CADM2: variants seen among roughly 807,000 people sequenced by gnomAD.
The protein encoded by CADM2 is immunoglobulin superfamily member 4D.
Under a neutral mutation model 49.8 loss-of-function variants are expected in CADM2, and 12 were observed. The ratio of observed to expected loss-of-function variants is 0.24; its 90% CI spans 0.15 to 0.39. CADM2 has a LOEUF of 0.39. Ranked by LOEUF, CADM2 falls within the 10% of genes least tolerant of loss-of-function variation. The pLI is 1.00. For missense variants in CADM2, 378 were observed against 492.3 expected (o/e 0.77, Z 2.20); for synonymous variants, 214 against 175.4 (o/e 1.22, Z -1.74).
intron 6 of CADM2, among the ~76,000 whole-genome samples, chr3:85,922,558 G>A (rs192472137): frequency 7.8e-4 from 119 of 151,712 alleles, no homozygotes; most frequent in African/African-American, 2.3e-3. Flanking sequence ...CACAAATTGC[G>A]CAATAATTGG....
intron 1 of CADM2, among the ~76,000 whole-genome samples, chr3:85,620,413 A>G (rs984067179): frequency 6.6e-6 from 1 of 152,080 alleles, no homozygotes; most frequent in Non-Finnish European, 1.5e-5. Flanking sequence ...TGATAGGTAC[A>G]TAGATCCAAT....
intron 8 of CADM2, among the ~76,000 whole-genome samples, chr3:86,058,264 G>T (rs990367561): frequency 3.3e-5 from 5 of 152,048 alleles, no homozygotes; most frequent in Non-Finnish European, 7.4e-5. Context: ...AGTCCTGAAT[G>T]AGTCTTTTAA....
At chr3:85,643,804 A>G (rs1385572807) in intron 1 of CADM2, among the ~76,000 whole-genome samples, 3 of 152,138 alleles carry the variant, frequency 2.0e-5, no homozygotes, top group Non-Finnish European at 2.9e-5. Context: ...GATTATTGTT[A>G]TTATATGTGG....
At chr3:85,720,788 A>C (rs1393033225) in intron 1 of CADM2, among the ~76,000 whole-genome samples, 1 of 152,196 alleles carries the variant, frequency 6.6e-6, no homozygotes, top group African/African-American at 2.4e-5. Flanking sequence ...AAACAAAAAG[A>C]GGAGAAAAGG....
chr3:85,068,659 A>G (rs1035248583), intron 1 of CADM2, among the ~76,000 whole-genome samples: 6 of 152,208 alleles, frequency 3.9e-5, no homozygotes, highest in African/African-American at 1.2e-4. Context: ...ATAAGTGGTC[A>G]GGGTAAAATG....
chr3:85,691,439 T>G (rs954421697), intron 1 of CADM2, among the ~76,000 whole-genome samples: 5 of 152,170 alleles, frequency 3.3e-5, no homozygotes, highest in African/African-American at 1.2e-4. Context: ...GCTGAAAATC[T>G]AGGCTGCTTG....
At chr3:86,052,776 A>T (rs1737492194) in intron 8 of CADM2, among the ~76,000 whole-genome samples, 1 of 152,146 alleles carries the variant, frequency 6.6e-6, no homozygotes, top group Non-Finnish European at 1.5e-5. Context: ...TTCATAGAGT[A>T]TGCAAATTTT....
At chr3:85,230,498 T>C (rs1441945391) in intron 1 of CADM2, among the ~76,000 whole-genome samples, 7 of 152,172 alleles carry the variant, frequency 4.6e-5, no homozygotes, top group East Asian at 1.9e-4. Context: ...GTATTCACCT[T>C]ATGCTTAGAA....
chr3:86,012,355 A>G (rs1456028961), intron 8 of CADM2, among the ~76,000 whole-genome samples: 1 of 152,216 alleles, frequency 6.6e-6, no homozygotes, highest in African/African-American at 2.4e-5. Flanking sequence ...ATTCTAATTC[A>G]TGCTCTTGTT....
intron 1 of CADM2, among the ~76,000 whole-genome samples, chr3:85,314,370 A>T (rs1311972323): frequency 1.3e-5 from 2 of 151,906 alleles, no homozygotes; most frequent in African/African-American, 4.8e-5. Flanking sequence ...TTTTTTTAAC[A>T]AAGGACAAAA....
chr3:85,897,114 G>GA (rs1458443220), intron 5 of CADM2, among the ~76,000 whole-genome samples: 5 of 151,986 alleles, frequency 3.3e-5, no homozygotes, highest in African/African-American at 1.2e-4. Flanking sequence ...TTTAGAAAAT[G>GA]ACTCTTAACA....
chr3:86,060,531 A>G (rs1738505603), intron 8 of CADM2, among the ~76,000 whole-genome samples: 1 of 152,216 alleles, frequency 6.6e-6, no homozygotes. Context: ...ATGAGAAAAG[A>G]AAATACAAGG....
At chr3:85,875,658 G>A (rs1711727371) in intron 3 of CADM2, among the ~76,000 whole-genome samples, 1 of 152,194 alleles carries the variant, frequency 6.6e-6, no homozygotes, top group African/African-American at 2.4e-5. Context: ...ATGGCTAGCA[G>A]ATTGCATGAG....
At chr3:85,415,677 A>G (rs897284877) in intron 1 of CADM2, among the ~76,000 whole-genome samples, 1 of 152,158 alleles carries the variant, frequency 6.6e-6, no homozygotes, top group East Asian at 1.9e-4. Flanking sequence ...CAAGTTCATG[A>G]GAGCTATTAA....
chr3:85,805,034 C>T (rs1304813404), intron 3 of CADM2, among the ~76,000 whole-genome samples: 6 of 152,048 alleles, frequency 3.9e-5, no homozygotes, highest in African/African-American at 7.2e-5. Flanking sequence ...TCCGCTTCCT[C>T]GGCTCCAGCA....
intron 1 of CADM2, among the ~76,000 whole-genome samples, chr3:85,157,928 T>C (rs867230621): frequency 5.3e-5 from 8 of 152,082 alleles, no homozygotes; most frequent in Non-Finnish European, 1.0e-4. Context: ...AGAAAATTTT[T>C]GCAACCTACT....
chr3:85,614,149 A>G (rs1406807783), intron 1 of CADM2, among the ~76,000 whole-genome samples: 1 of 148,940 alleles, frequency 6.7e-6, no homozygotes, highest in East Asian at 1.9e-4. Context: ...ATTGGTATGA[A>G]GATATATTCA....
intron 1 of CADM2, among the ~76,000 whole-genome samples, chr3:85,338,960 C>T (rs1489779942): frequency 6.6e-6 from 1 of 151,308 alleles, no homozygotes; most frequent in African/African-American, 2.4e-5. Flanking sequence ...GACTTGTTTC[C>T]ACTTAATAAA....
At chr3:85,192,685 G>A (rs1468169101) in intron 1 of CADM2, among the ~76,000 whole-genome samples, 1 of 151,614 alleles carries the variant, frequency 6.6e-6, no homozygotes, top group Non-Finnish European at 1.5e-5. Flanking sequence ...GGGAAAAATT[G>A]GAAAGATTTG....
Sources: allele counts gnomAD v4.1 joint callset (sites outside exome capture counted in the v4.1 genomes callset), GRCh38; gene constraint gnomAD v4.1.1; transcripts MANE v1.5; gene names NCBI Gene and HGNC (gene_info 2026-07-23, HGNC 2026-07-21).